The following MGAT4C variants were observed in gnomAD, a reference collection of about 807,000 sequenced individuals.
MGAT4C encodes the protein MGAT4 family member C, also known as alpha-1,3-mannosyl-glycoprotein 4-beta-N-acetylglucosaminyltransferase C.
MGAT4C carries 19 observed loss-of-function variants against 40.1 expected under a neutral mutation model. The observed-to-expected ratio is 0.47, with a 90% confidence interval of 0.33 to 0.70. The LOEUF (loss-of-function observed/expected upper bound fraction) is 0.70, where lower values mean the gene tolerates loss of function less well. Among genes scored for constraint, MGAT4C ranks in the 30% least tolerant of loss-of-function variants. The pLI, the probability that MGAT4C is intolerant of heterozygous loss-of-function variation, is 0.02. For synonymous variants in MGAT4C, 181 were observed against 187.1 expected (o/e 0.97, Z 0.27); for missense variants, 491 against 563.2 (o/e 0.87, Z 1.30).
At chr12:86,164,172 T>G (rs986847294) in intron 1 of MGAT4C, among the ~76,000 whole-genome samples, 3 of 152,170 alleles carry the variant, frequency 2.0e-5, no homozygotes, top group African/African-American at 7.2e-5. Context: ...TGAAATAAGT[T>G]TTAAAGGACA....
In MGAT4C at chr12:85,994,426, G is replaced by A. The variant is rs576326574; in HGVS notation, c.-6-4874C>T. Among the ~76,000 whole-genome samples, 13 of 152,198 alleles carry A rather than the reference G, an allele frequency of 8.5e-5. No individual in the cohort carries two copies. The East Asian group carries it at 2.5e-3, about 29-fold the overall frequency. On this transcript the variant is annotated intron_variant, in intron 2 of 4. Coordinates refer to ENST00000611864, the MANE Select transcript of MGAT4C (RefSeq NM_001351288.2). ...ACACCCATTGTCAGCAGAATAGGCTGAGAAGCCCAAACCAGAGCAAACAAA... is the reference window on the plus strand; with the variant it reads ...ACACCCATTGTCAGCAGAATAGGCTAAGAAGCCCAAACCAGAGCAAACAAA...
chr12:86,221,228 T>C (rs1257525777), intron 1 of MGAT4C, among the ~76,000 whole-genome samples: 1 of 152,160 alleles, frequency 6.6e-6, no homozygotes, highest in Non-Finnish European at 1.5e-5. Flanking sequence ...GGAGTATATT[T>C]CAGTCTCTTG....
chr12:86,724,845 T>C (rs937310972), intron 2 of MGAT4C, among the ~76,000 whole-genome samples: 2 of 152,214 alleles, frequency 1.3e-5, no homozygotes, highest in African/African-American at 4.8e-5. Flanking sequence ...GGCCAGCCTC[T>C]AGTAACCACC....
intron 2 of MGAT4C, among the ~76,000 whole-genome samples, chr12:86,611,271 C>A (rs773002207): frequency 7.2e-5 from 11 of 151,958 alleles, no homozygotes; most frequent in Admixed American, 2.0e-4. Context: ...TGTGCACCTT[C>A]CCTGAAGCCT....
At chr12:86,569,574 T>C (rs1377674019) in intron 2 of MGAT4C, among the ~76,000 whole-genome samples, 1 of 152,052 alleles carries the variant, frequency 6.6e-6, no homozygotes, top group Non-Finnish European at 1.5e-5. Flanking sequence ...AGGGAACTCT[T>C]AGACTCTGTT....
intron 3 of MGAT4C, among the ~76,000 whole-genome samples, chr12:86,361,716 C>T (rs542634570): frequency 6.6e-6 from 1 of 152,266 alleles, no homozygotes; most frequent in East Asian, 1.9e-4. Context: ...ATTTATGCAG[C>T]CAACAGACAC....
intron 1 of MGAT4C, among the ~76,000 whole-genome samples, chr12:86,734,913 T>C (rs955201378): frequency 3.9e-5 from 6 of 152,022 alleles, no homozygotes; most frequent in African/African-American, 1.2e-4. Flanking sequence ...TGAAATAATA[T>C]ACTGAGATTA....
chr12:86,786,378 T>C (rs1951932070), intron 1 of MGAT4C, among the ~76,000 whole-genome samples: 1 of 152,106 alleles, frequency 6.6e-6, no homozygotes. Flanking sequence ...AAATTGAGCT[T>C]TGAAAGATAA....
chr12:86,438,387 T>A (rs967212958), intron 2 of MGAT4C, among the ~76,000 whole-genome samples: 1 of 151,946 alleles, frequency 6.6e-6, no homozygotes, highest in Non-Finnish European at 1.5e-5. Flanking sequence ...AATGATGCCC[T>A]CTGTATGACT....
At chr12:86,614,220 T>A (rs1962376347) in intron 2 of MGAT4C, among the ~76,000 whole-genome samples, 1 of 152,180 alleles carries the variant, frequency 6.6e-6, no homozygotes, top group African/African-American at 2.4e-5. Flanking sequence ...TAGGCTGCTC[T>A]GTAACAAGCA....
chr12:86,366,878 G>A (rs1955609557), intron 3 of MGAT4C, among the ~76,000 whole-genome samples: 1 of 151,982 alleles, frequency 6.6e-6, no homozygotes, highest in Non-Finnish European at 1.5e-5. Context: ...TGCAGATAAA[G>A]TATTTGAAAC....
chr12:86,650,839 G>C (rs962637575), intron 2 of MGAT4C, among the ~76,000 whole-genome samples: 2 of 151,878 alleles, frequency 1.3e-5, no homozygotes, highest in African/African-American at 4.8e-5. Flanking sequence ...GTGTTGCCAA[G>C]GGGCTTCAGA....
At chr12:86,251,196 TC>T (rs1276664000) in intron 1 of MGAT4C, among the ~76,000 whole-genome samples, 1 of 151,004 alleles carries the variant, frequency 6.6e-6, no homozygotes, top group Non-Finnish European at 1.5e-5. Context: ...CAAATTGTAT[TC>T]CGGTAGTCTG....
At chr12:86,526,180 G>A (rs1958878729) in intron 2 of MGAT4C, among the ~76,000 whole-genome samples, 1 of 152,088 alleles carries the variant, frequency 6.6e-6, no homozygotes, top group Non-Finnish European at 1.5e-5. Context: ...TGTTCTCTGT[G>A]CCTAGTTTCA....
chr12:86,478,531 T>A (rs1376666814), intron 2 of MGAT4C, among the ~76,000 whole-genome samples: 1 of 152,136 alleles, frequency 6.6e-6, no homozygotes, highest in East Asian at 1.9e-4. Context: ...TGTGATTGAC[T>A]TAAGTATCAA....
intron 2 of MGAT4C, among the ~76,000 whole-genome samples, chr12:85,991,052 G>A (rs1885860422): frequency 6.6e-6 from 1 of 152,194 alleles, no homozygotes; most frequent in African/African-American, 2.4e-5. Context: ...CAGACAAGTG[G>A]AGGGTGAGCA....
chr12:86,425,023 T>C (rs1201221746), intron 3 of MGAT4C, among the ~76,000 whole-genome samples: 2 of 152,154 alleles, frequency 1.3e-5, no homozygotes, highest in African/African-American at 4.8e-5. Context: ...CCCGAACTGC[T>C]GTGATAACAG....
chr12:86,604,575 A>T (rs1250702405), intron 2 of MGAT4C, among the ~76,000 whole-genome samples: 1 of 152,184 alleles, frequency 6.6e-6, no homozygotes, highest in Non-Finnish European at 1.5e-5. Context: ...TACGTATCTA[A>T]CATGATCCAC....
intron 1 of MGAT4C, among the ~76,000 whole-genome samples, chr12:86,768,666 A>G (rs540240025): frequency 0.019 from 2,824 of 152,108 alleles, 33 homozygotes; most frequent in African/African-American, 0.038. Context: ...GTACCAAAAC[A>G]GAGATATAGA....
Sources: gnomAD v4.1 joint callset for allele counts (sites outside exome capture counted in the v4.1 genomes callset) on GRCh38, gnomAD v4.1.1 for gene constraint, MANE v1.5 for transcripts, NCBI Gene and HGNC (gene_info 2026-07-23, HGNC 2026-07-21) for gene names.